The following SUCLG2 variants were observed in gnomAD, a reference collection of about 807,000 sequenced individuals.
SUCLG2 encodes succinate--CoA ligase [GDP-forming] subunit beta, mitochondrial.
SUCLG2 carries 42 observed loss-of-function variants against 47.9 expected under a neutral mutation model. The observed-to-expected ratio is 0.88, with a 90% CI of 0.69 to 1.14. The LOEUF is 1.14. Ranked by LOEUF, SUCLG2 falls within the 50% of genes most tolerant of loss-of-function variation. The probability of loss-of-function intolerance (pLI) is 0.00; values close to 1 mark genes in which losing one functional copy is unlikely to be tolerated. For synonymous variants in SUCLG2, 195 were observed against 197.3 expected (o/e 0.99, Z 0.10); for missense variants, 571 against 525.9 (o/e 1.09, Z -0.84).
At chr3:67,413,357 C>T (rs1287126460) in intron 9 of SUCLG2, among the ~76,000 whole-genome samples, 2 of 152,154 alleles carry the variant, frequency 1.3e-5, no homozygotes, top group African/African-American at 4.8e-5. Flanking sequence ...GAAAGATGGG[C>T]TCAATAAGAC....
At chr3:67,513,162 C>G (rs542499406) in intron 6 of SUCLG2, among the ~76,000 whole-genome samples, 1 of 145,116 alleles carries the variant, frequency 6.9e-6, no homozygotes, top group South Asian at 2.1e-4. Flanking sequence ...CCCATCCATA[C>G]TGCAGCATGT....
intron 9 of SUCLG2, among the ~76,000 whole-genome samples, chr3:67,439,951 G>A (rs1364013177): frequency 6.6e-6 from 1 of 152,112 alleles, no homozygotes; most frequent in Non-Finnish European, 1.5e-5. Context: ...GAACAAAGCT[G>A]GAGGCATCAT....
At chr3:67,490,702 T>C (rs1246404693) in intron 9 of SUCLG2, among the ~76,000 whole-genome samples, 2 of 152,200 alleles carry the variant, frequency 1.3e-5, no homozygotes, top group Admixed American at 1.3e-4. Flanking sequence ...AAAGCCAAAG[T>C]TTTCACTATG....
Position 67,495,934 on chromosome 3 carries a change from C to A in SUCLG2, c.926G>T (p.Gly309Val), listed in dbSNP as rs2107060994. The change falls in exon 9 of 11, where the codon GGT becomes GTT. Residue 309 changes from glycine to valine, a missense_variant. Physicochemically the swap from Gly to Val is moderately radical, Grantham distance 109. Transcript: ENST00000307227. ...ACAAGTAGCCATGGCGAGCCCAGCA[C>A]CATTCACTGTGAAATGCAAATGGGA... ...LDGNIACFVN[G>V]AGLAMATCDI... 1.9e-6 allele frequency: 3 copies of A among 1,613,904 alleles called. No homozygotes were observed. The East Asian group carries it at 6.7e-5, about 36-fold the overall frequency.
intron 9 of SUCLG2, among the ~76,000 whole-genome samples, chr3:67,475,558 A>C (rs764640743): frequency 6.6e-6 from 1 of 152,230 alleles, no homozygotes; most frequent in Non-Finnish European, 1.5e-5. Context: ...GTTTTCAATC[A>C]AAAGACATGT....
intron 2 of SUCLG2, among the ~76,000 whole-genome samples, chr3:67,551,789 G>C (rs1050611045): frequency 6.6e-6 from 1 of 152,126 alleles, no homozygotes; most frequent in Non-Finnish European, 1.5e-5. Flanking sequence ...CTATGCACCA[G>C]GAGCTATTCA....
At chr3:67,404,344 G>C (rs1294768836) in intron 9 of SUCLG2, among the ~76,000 whole-genome samples, 1 of 152,126 alleles carries the variant, frequency 6.6e-6, no homozygotes, top group African/African-American at 2.4e-5. Flanking sequence ...GGGAGAGAGA[G>C]AGAGAGAGAG....
At chr3:67,571,509 A>G (rs1707607009) in intron 2 of SUCLG2, among the ~76,000 whole-genome samples, 1 of 152,190 alleles carries the variant, frequency 6.6e-6, no homozygotes, top group African/African-American at 2.4e-5. Flanking sequence ...ACTTCTGTTT[A>G]ATGTCAGGCA....
intron 4 of SUCLG2, among the ~76,000 whole-genome samples, chr3:67,523,639 A>C (rs1384735030): frequency 6.6e-6 from 1 of 152,234 alleles, no homozygotes; most frequent in East Asian, 1.9e-4. Flanking sequence ...ATCAACATTA[A>C]TACAAACATT....
chr3:67,545,431 A>G (rs1706839034), intron 2 of SUCLG2, among the ~76,000 whole-genome samples: 1 of 152,214 alleles, frequency 6.6e-6, no homozygotes, highest in African/African-American at 2.4e-5. Context: ...CATAACTGTT[A>G]TGCTGCTTTC....
At chr3:67,649,168 T>A (rs767848979) in intron 1 of SUCLG2, among the ~76,000 whole-genome samples, 3 of 152,156 alleles carry the variant, frequency 2.0e-5, no homozygotes, top group Non-Finnish European at 4.4e-5. Context: ...TCAGAGGGAA[T>A]AGTTCTGCAG....
intron 2 of SUCLG2, among the ~76,000 whole-genome samples, chr3:67,563,607 G>GGGCTCACTTAACTTCTTAA (rs1264488704): frequency 6.6e-6 from 1 of 152,068 alleles, no homozygotes; most frequent in African/African-American, 2.4e-5. Flanking sequence ...AGGCTGAATG[G>GGGCTCACTTAACTTCTTAA]GGCTCACTTA....
In SUCLG2 at chr3:67,512,677, T is replaced by C. The variant is rs1465545175; in HGVS notation, c.661-3774A>G. Among the ~76,000 whole-genome samples the C allele has an allele frequency of 2.6e-5, 4 of 151,134 alleles. 1 individual carries two copies. The highest frequency in any genetic ancestry group is 9.9e-5 in the African/African-American group (4 of 40,458). On this transcript the variant is annotated intron_variant, in intron 6 of 10. Coordinates refer to ENST00000307227, the MANE Select transcript of SUCLG2 (RefSeq NM_003848.4). ...TCACCATATCTCAACCATTTTTGTCTACACAGTTCTGCAGGGTCAAGTTGG... is the reference window on the plus strand; with the variant it reads ...TCACCATATCTCAACCATTTTTGTCCACACAGTTCTGCAGGGTCAAGTTGG...
At chr3:67,620,679 A>G (rs9835458) in intron 1 of SUCLG2, among the ~76,000 whole-genome samples, 67,248 of 151,560 alleles carry the variant, frequency 0.44, 15,208 homozygotes, top group African/African-American at 0.5. Context: ...GGTCACCTTT[A>G]AAGAAATGAC....
intron 9 of SUCLG2, among the ~76,000 whole-genome samples, chr3:67,475,719 C>G (rs1002152015): frequency 2.0e-5 from 3 of 146,766 alleles, no homozygotes; most frequent in African/African-American, 7.4e-5. Flanking sequence ...CCTTCCCCTC[C>G]TTTTTTTTTT....
At chr3:67,459,696 G>T (rs914400072) in intron 9 of SUCLG2, among the ~76,000 whole-genome samples, 2 of 152,186 alleles carry the variant, frequency 1.3e-5, no homozygotes, top group Non-Finnish European at 2.9e-5. Context: ...TAGGAACAAA[G>T]AAATAAATAT....
chr3:67,544,758 C>CA (rs1706818823), intron 2 of SUCLG2, among the ~76,000 whole-genome samples: 1 of 152,150 alleles, frequency 6.6e-6, no homozygotes, highest in Non-Finnish European at 1.5e-5. Flanking sequence ...GTTTGGCTTT[C>CA]ATGGTTTGCT....
chr3:67,391,540 C>G (rs1024576385), intron 10 of SUCLG2, among the ~76,000 whole-genome samples: 1 of 152,238 alleles, frequency 6.6e-6, no homozygotes, highest in South Asian at 2.1e-4. Context: ...TTCAGTTATG[C>G]TAGGTTCTAA....
chr3:67,414,732 C>T (rs1250873688), intron 9 of SUCLG2, among the ~76,000 whole-genome samples: 1 of 152,206 alleles, frequency 6.6e-6, no homozygotes, highest in African/African-American at 2.4e-5. Context: ...GTATCTCCCA[C>T]AACTAGGTAG....
Sources: gnomAD v4.1 joint callset for allele counts (sites outside exome capture counted in the v4.1 genomes callset) on GRCh38, gnomAD v4.1.1 for gene constraint, MANE v1.5 for transcripts, NCBI Gene and HGNC (gene_info 2026-07-23, HGNC 2026-07-21) for gene names.